BICD1: variants seen among roughly 807,000 people sequenced by gnomAD.
The protein encoded by BICD1 is protein bicaudal D homolog 1.
Under a neutral mutation model 92.5 loss-of-function variants are expected in BICD1, and 35 were observed. That is an observed-to-expected ratio of 0.38 (90% CI 0.29 to 0.50). BICD1 has a LOEUF of 0.50. Among genes scored for constraint, BICD1 ranks in the 20% least tolerant of loss-of-function variants. The pLI is 0.93. For synonymous variants in BICD1, 429 were observed against 465.1 expected, an observed-to-expected ratio of 0.92 and a Z score of 1.00; for missense variants, 950 against 1,189.8, an observed-to-expected ratio of 0.80 and a Z score of 2.97.
chr12:32,231,192 G>A (rs139712857), intron 2 of BICD1, among the ~76,000 whole-genome samples: 3,407 of 152,200 alleles, frequency 0.022, 43 homozygotes, highest in African/African-American at 0.025. Context: ...AAAAATTAAA[G>A]CGTATTTAGG....
rs568525533 is a variant in BICD1, at chr12:32,119,785, T to C, written c.213+12241T>C. Among the ~76,000 whole-genome samples the C allele has an allele frequency of 3.9e-5, 6 of 152,286 alleles. No individual in the cohort carries two copies. In the South Asian group the frequency reaches 8.3e-4, roughly 21 times the overall value. On this transcript the variant is annotated intron_variant, in intron 1 of 9. Coordinates refer to ENST00000652176, the MANE Select transcript of BICD1 (RefSeq NM_001714.4). ...ATTCGGGAGACTGAGGCATGAGAAT[T>C]GCTTGAACCCAGGAGGTGGAGGTTG...
At position 32,270,992 on chromosome 12, in the gene BICD1, G is replaced by A. The variant is rs1206998679; in HGVS notation, c.427-23002G>A. 6.6e-5 allele frequency among the ~76,000 whole-genome samples: 10 copies of A among 152,252 alleles called. No homozygotes were observed. The East Asian group carries it at 1.5e-3, about 24-fold the overall frequency. On this transcript the variant is annotated intron_variant, in intron 2 of 9. Coordinates refer to ENST00000652176, the MANE Select transcript of BICD1 (RefSeq NM_001714.4). ...GCTGGCCAGCCGGAAGCCACCATGC[G>A]CTGTCCTCAACAGAGCAGCTCCAGG... is the stretch of plus-strand genomic sequence containing the variant.
intron 1 of BICD1, among the ~76,000 whole-genome samples, chr12:32,140,857 G>A (rs1385479933): frequency 6.6e-6 from 1 of 152,076 alleles, no homozygotes; most frequent in Non-Finnish European, 1.5e-5. Flanking sequence ...GACAATAACT[G>A]CATCAACAAC....
intron 1 of BICD1, among the ~76,000 whole-genome samples, chr12:32,132,798 C>G (rs1193617418): frequency 1.3e-5 from 2 of 152,134 alleles, no homozygotes; most frequent in African/African-American, 4.8e-5. Context: ...TGATTTCATA[C>G]ATGTTTTTAA....
rs144099451 is a variant in BICD1, at chr12:32,307,401, A to G, written c.1005+1279A>G. ...GTTTAGAGTCTTGCCTTCCTGCCAC[A>G]TGTAATGGAAATGTTGTTTAAGAAA... On this transcript the variant is annotated intron_variant, in intron 4 of 9. Transcript: ENST00000652176. Among the ~76,000 whole-genome samples the G allele has an allele frequency of 1.1e-4, 17 of 152,342 alleles. No individual in the cohort carries two copies. In the East Asian group the frequency reaches 3.1e-3, roughly 28 times the overall value.
chr12:32,218,044 A>G (rs565911232), intron 2 of BICD1, among the ~76,000 whole-genome samples: 6 of 152,290 alleles, frequency 3.9e-5, no homozygotes, highest in Non-Finnish European at 5.9e-5. Flanking sequence ...GAAAGCTGCA[A>G]TCCCCATTGT....
At chr12:32,215,142 T>C (rs1451422816) in intron 1 of BICD1, among the ~76,000 whole-genome samples, 2 of 152,132 alleles carry the variant, frequency 1.3e-5, no homozygotes, top group East Asian at 3.9e-4. Flanking sequence ...AGTAGGAGAA[T>C]TGCTTGAACC....
chr12:32,154,994 G>A (rs768308478), intron 1 of BICD1, among the ~76,000 whole-genome samples: 7 of 151,266 alleles, frequency 4.6e-5, no homozygotes, highest in African/African-American at 7.3e-5. Flanking sequence ...ATAAGCATCT[G>A]TGAAGTCAAC....
At chr12:32,112,233 C>A (rs545765557) in intron 1 of BICD1, among the ~76,000 whole-genome samples, 2 of 152,158 alleles carry the variant, frequency 1.3e-5, no homozygotes, top group South Asian at 4.2e-4. Flanking sequence ...CTTGAACTCC[C>A]GACCTCAGGT....
chr12:32,150,196 A>G (rs1280973668), intron 1 of BICD1, among the ~76,000 whole-genome samples: 2 of 152,218 alleles, frequency 1.3e-5, no homozygotes, highest in Non-Finnish European at 1.5e-5. Context: ...TATGGGAGCT[A>G]CAATTCAAGA....
chr12:32,234,394 T>G (rs1319228447), intron 2 of BICD1, among the ~76,000 whole-genome samples: 5 of 151,586 alleles, frequency 3.3e-5, no homozygotes, highest in African/African-American at 1.2e-4. Context: ...GGTCGGGGGT[T>G]CAAGACCAGC....
chr12:32,339,344 A>T (rs1938266458), intron 8 of BICD1: 1 of 998,240 alleles, frequency 1.0e-6, no homozygotes, highest in Admixed American at 6.0e-5. Context: ...ATCGTTTTTA[A>T]TGTAATTTCC....
chr12:32,222,168 C>T (rs1002521530), intron 2 of BICD1, among the ~76,000 whole-genome samples: 14 of 152,184 alleles, frequency 9.2e-5, no homozygotes, highest in African/African-American at 3.4e-4. Flanking sequence ...AGCAATTATG[C>T]AGCATTCCTA....
intron 2 of BICD1, among the ~76,000 whole-genome samples, chr12:32,260,465 A>G (rs1160726013): frequency 2.6e-5 from 4 of 152,298 alleles, no homozygotes; most frequent in Admixed American, 6.5e-5. Flanking sequence ...ACAATAAACA[A>G]TACATTTTAC....
intron 2 of BICD1, among the ~76,000 whole-genome samples, chr12:32,239,422 C>T (rs1311266494): frequency 3.4e-5 from 5 of 145,882 alleles, no homozygotes; most frequent in Admixed American, 1.4e-4. Flanking sequence ...CAAAATGAGC[C>T]GGGCGTGGTG....
At chr12:32,189,698 ATT>A (rs199713940) in intron 1 of BICD1, among the ~76,000 whole-genome samples, 61 of 140,398 alleles carry the variant, frequency 4.3e-4, no homozygotes, top group Admixed American at 4.3e-4. Context: ...AAGTGTAGTA[ATT>A]TTTTTTTTTT....
chr12:32,295,083 A>G (rs796877531), intron 3 of BICD1, among the ~76,000 whole-genome samples: 19 of 21,818 alleles, frequency 8.7e-4, no homozygotes, highest in African/African-American at 2.7e-3. Flanking sequence ...TTCCGTCTCG[A>G]AAAAAAAAAA....
intron 2 of BICD1, among the ~76,000 whole-genome samples, chr12:32,249,082 A>T (rs1002512470): frequency 6.6e-6 from 1 of 152,084 alleles, no homozygotes; most frequent in African/African-American, 2.4e-5. Context: ...TTCTCCAGGG[A>T]CCCTTCCCTT....
chr12:32,364,712 A>C (rs1264287343), intron 8 of BICD1, among the ~76,000 whole-genome samples: 1 of 152,190 alleles, frequency 6.6e-6, no homozygotes, highest in Non-Finnish European at 1.5e-5. Context: ...ACATCTTGGG[A>C]GGCCGAGGCA....
Sources: gnomAD v4.1 joint callset for allele counts (sites outside exome capture counted in the v4.1 genomes callset) on GRCh38, gnomAD v4.1.1 for gene constraint, MANE v1.5 for transcripts, NCBI Gene and HGNC (gene_info 2026-07-23, HGNC 2026-07-21) for gene names.